The following RHOC variants were observed in gnomAD, a reference collection of about 807,000 sequenced individuals.
The protein encoded by RHOC is rho-related GTP-binding protein RhoC.
Under a neutral mutation model 19.5 loss-of-function variants are expected in RHOC, and 13 were observed. That is an observed-to-expected ratio of 0.67 (90% confidence interval 0.43 to 1.06). The LOEUF (loss-of-function observed/expected upper bound fraction) is 1.06, where lower values mean the gene tolerates loss of function less well. Ranked by LOEUF, RHOC falls within the 50% of genes least tolerant of loss-of-function variation. The probability of loss-of-function intolerance (pLI) is 0.00; values close to 1 mark genes in which losing one functional copy is unlikely to be tolerated. For synonymous variants in RHOC, 106 were observed against 97.3 expected (o/e 1.09, Z -0.52); for missense variants, 173 against 256.9 (o/e 0.67, Z 2.23).
In RHOC at chr1:112,703,054, G is replaced by A; in HGVS notation, c.222C>T (p.Tyr74=). 5 of 1,614,216 alleles carry A rather than the reference G, an allele frequency of 3.1e-6. No individual in the cohort carries two copies. The highest frequency in any genetic ancestry group is 4.2e-6 in the Non-Finnish European group (5 of 1,180,038). The part of the protein sequence containing the change: ...EDYDRLRPLS[Y]PDTDVILMCF... ...ACATGAGGATGACATCAGTGTCCGG[G>A]TAGGAGAGAGGCCGCAGTCGATCAT... is the stretch of plus-strand genomic sequence containing the variant. Residue 74 remains tyrosine, a synonymous_variant, in exon 4 of 6, where the codon TAC becomes TAT. Transcript: ENST00000339083.
At chr1:112,704,648 T>C in intron 2 of RHOC, 1 of 183,654 alleles carries the variant, frequency 5.4e-6, no homozygotes, top group Non-Finnish European at 1.2e-5. Flanking sequence ...AGGACAGGGG[T>C]AGCAGCCAGC....
intron 2 of RHOC, chr1:112,704,670 G>C (rs979569572): frequency 2.7e-5 from 5 of 184,546 alleles, no homozygotes; most frequent in African/African-American, 1.2e-4. Flanking sequence ...AGCTTCCCTG[G>C]TCCACCCCAC....
At chr1:112,703,543 A>C (rs1472183602) in intron 3 of RHOC, 101 bp downstream of exon 3, 8 of 1,004,642 alleles carry the variant, frequency 8.0e-6, no homozygotes, top group Non-Finnish European at 1.2e-5. Flanking sequence ...AGGGAGAATG[A>C]AGCAAAGACA....
chr1:112,706,484 A>AC (rs1557780746), intron 1 of RHOC, among the ~76,000 whole-genome samples: 212 of 15,414 alleles, frequency 0.014, 16 homozygotes, highest in African/African-American at 0.023. Context: ...ACACACACAC[A>AC]CACACACACA....
intron 5 of RHOC, 93 bp downstream of exon 5, chr1:112,702,470 G>A (rs1232714100): frequency 2.3e-5 from 31 of 1,358,650 alleles, no homozygotes; most frequent in East Asian, 2.1e-4. Context: ...CCTAACACAC[G>A]GCAGTAGCTG....
chr1:112,704,607 A>G, intron 2 of RHOC: 1 of 175,720 alleles, frequency 5.7e-6, no homozygotes, highest in Non-Finnish European at 1.2e-5. Flanking sequence ...CAGGGGCAGG[A>G]GGGAGAGCAG....
rs1674784309 is a variant in RHOC, at chr1:112,704,812, G to A, written c.-8+288C>T. The A allele has an allele frequency of 9.7e-6, 4 of 412,924 alleles. No homozygotes were observed. The Admixed American group carries it at 1.1e-4, about 11-fold the overall frequency. 25.6% of individuals were successfully genotyped at this position (412,924 alleles called of 1,614,324 possible). A position where few individuals can be genotyped will look rare whatever the true frequency, so the allele number is the denominator to read the frequency against. ...AGCAACACTGGGTCACTCAGCCCCC[G>A]GCAGGGGACAATGACCACACTGTAG... On this transcript the variant is annotated intron_variant, in intron 2 of 5. Coordinates refer to ENST00000339083, the MANE Select transcript of RHOC (RefSeq NM_175744.5).
intron 2 of RHOC, 59 bp downstream of exon 2, chr1:112,705,041 A>G: frequency 1.4e-6 from 1 of 701,546 alleles, no homozygotes; most frequent in Admixed American, 2.0e-5. Context: ...GCATCTGCAC[A>G]GTTCATCACA....
At chr1:112,703,243 G>GCCCCA in intron 3 of RHOC, 124 bp from the exon 4 acceptor site, 1 of 1,027,626 alleles carries the variant, frequency 9.7e-7, no homozygotes, top group East Asian at 2.6e-5. Context: ...TATGCACCAG[G>GCCCCA]CATTATATTA....
chr1:112,705,641 C>T (rs1674812565), intron 1 of RHOC: 1 of 457,252 alleles, frequency 2.2e-6, no homozygotes, highest in African/African-American at 2.0e-5. Flanking sequence ...GGAAACCATC[C>T]TCCAAAAAGA....
intron 3 of RHOC, 128 bp downstream of exon 3, chr1:112,703,516 C>G (rs1674733224): frequency 1.2e-6 from 1 of 848,252 alleles, no homozygotes; most frequent in Non-Finnish European, 1.9e-6. Context: ...TACTTCCTAA[C>G]TTTTACTGGT....
chr1:112,702,260 G>A (rs1329574306), intron 5 of RHOC, among the ~76,000 whole-genome samples: 5 of 152,084 alleles, frequency 3.3e-5, no homozygotes, highest in Admixed American at 6.5e-5. Context: ...GGCACAGCCT[G>A]GGTATCCCAA....
chr1:112,706,075 C>T (rs1019608322), intron 1 of RHOC: 2 of 186,216 alleles, frequency 1.1e-5, no homozygotes, highest in African/African-American at 4.6e-5. Flanking sequence ...AGGGACTGTC[C>T]CACTGACCCC....
At chr1:112,706,462 CACCACACACACACACACACACACACACA>C (rs1557780603) in intron 1 of RHOC, among the ~76,000 whole-genome samples, 339 of 16,942 alleles carry the variant, frequency 0.02, 2 homozygotes, top group East Asian at 0.092. Flanking sequence ...CACACACACA[CACCACACACACACACACACACACACACA>C]CACACACACA....
At position 112,707,117 on chromosome 1, in the gene RHOC, A is replaced by C. The variant is rs1674923926; in HGVS notation, c.-116T>G. 6.6e-6 allele frequency: 1 copy of C among 151,330 alleles called. No individual in the cohort carries two copies. The highest frequency in any genetic ancestry group is 2.1e-4 in the South Asian group (1 of 4,824). The allele number at this position is 151,330 out of a possible 1,614,324, so 9.4% of individuals were successfully genotyped here. On this transcript the variant is annotated 5_prime_UTR_variant, in exon 1 of 6. Coordinates refer to ENST00000339083, the MANE Select transcript of RHOC (RefSeq NM_175744.5). Reference sequence around the variant, plus strand: ...CCTCCAGCTGCGCGGCCGGTGCCGGAGGCTCAGACTGACCCCAGGGCCCCG... The same window carrying C: ...CCTCCAGCTGCGCGGCCGGTGCCGGCGGCTCAGACTGACCCCAGGGCCCCG...
In RHOC at chr1:112,706,430, T is replaced by TACACACAC. The variant is rs149206424; in HGVS notation, c.-77+640_-77+647dup. Among the ~76,000 whole-genome samples, 97 of 49,698 alleles carry TACACACAC rather than the reference T, an allele frequency of 2.0e-3. 2 individuals are homozygous for TACACACAC. Among genetic ancestry groups the TACACACAC allele is most frequent in the African/African-American group, 1.8e-3 (21 of 11,554 alleles). The allele number at this position is 49,698 out of a possible 152,430, so 32.6% of individuals were successfully genotyped here. A position where few individuals can be genotyped will look rare whatever the true frequency, so the allele number is the denominator to read the frequency against. ...CATTTTCTCTCTCTCTCTCTCTCTC[T>TACACACAC]ACACACACACACACACACACACACA... On this transcript the variant is annotated intron_variant, in intron 1 of 5. Transcript: ENST00000339083.
rs1427956507 is a variant in RHOC at position 112,701,537 on chromosome 1, ATC to A, written c.*1_*2del. On this transcript the variant is annotated 3_prime_UTR_variant, in exon 6 of 6. Transcript: ENST00000339083. Reference sequence around the variant, plus strand: ...GGGGCATGTAGGAAAGGCCTTGGGGATCTCAGAGAATGGGACAGCCCCTCCGA... The same window carrying A: ...GGGGCATGTAGGAAAGGCCTTGGGGATCAGAGAATGGGACAGCCCCTCCGA... The A allele has an allele frequency of 1.9e-6, 3 of 1,613,928 alleles. No homozygotes were observed. The African/African-American group carries it at 4.0e-5, about 22-fold the overall frequency.
intron 5 of RHOC, 67 bp downstream of exon 5, chr1:112,702,496 T>G (rs558748171): frequency 6.4e-7 from 1 of 1,559,966 alleles, no homozygotes; most frequent in African/African-American, 1.4e-5. Flanking sequence ...AAGTTCCCTT[T>G]GCCCGTCTGC....
chr1:112,705,690 G>T, intron 1 of RHOC: 1 of 456,198 alleles, frequency 2.2e-6, no homozygotes. Flanking sequence ...CTGACGCTGG[G>T]ATTTCTTCCA....
Sources: allele counts gnomAD v4.1 joint callset (sites outside exome capture counted in the v4.1 genomes callset), GRCh38; gene constraint gnomAD v4.1.1; transcripts MANE v1.5; gene names NCBI Gene and HGNC (gene_info 2026-07-23, HGNC 2026-07-21).